KALRN: variants seen among roughly 807,000 people sequenced by gnomAD.
KALRN encodes the protein kalirin RhoGEF kinase, also known as kalirin.
A neutral mutation model predicts 353.7 loss-of-function variants in KALRN; 70 were observed. The ratio of observed to expected loss-of-function variants is 0.20; its 90% CI spans 0.16 to 0.24. The LOEUF is 0.24. Ranked by LOEUF, KALRN falls within the 10% of genes least tolerant of loss-of-function variation. The pLI, the probability that KALRN is intolerant of heterozygous loss-of-function variation, is 1.00. For missense variants in KALRN, 2,791 were observed against 3,756.7 expected (o/e 0.74, Z 6.72); for synonymous variants, 1,391 against 1,434.8 (o/e 0.97, Z 0.69).
chr3:124,114,092 C>G (rs2063240227), intron 1 of KALRN, among the ~76,000 whole-genome samples: 1 of 152,188 alleles, frequency 6.6e-6, no homozygotes, highest in Non-Finnish European at 1.5e-5. Flanking sequence ...GTCACCACCT[C>G]AGGCAGCTGG....
At chr3:124,245,098 A>T (rs1215323287) in intron 3 of KALRN, among the ~76,000 whole-genome samples, 1 of 152,094 alleles carries the variant, frequency 6.6e-6, no homozygotes, top group Non-Finnish European at 1.5e-5. Flanking sequence ...TATTCCTTCT[A>T]TGTAACTGTA....
chr3:124,621,208 G>A (rs2149686404), intron 34 of KALRN, among the ~76,000 whole-genome samples: 1 of 152,332 alleles, frequency 6.6e-6, no homozygotes, highest in South Asian at 2.1e-4. Context: ...GACAGGAGCA[G>A]CCGTATTGGG....
At chr3:124,139,453 T>C (rs2066349702) in intron 1 of KALRN, among the ~76,000 whole-genome samples, 1 of 152,196 alleles carries the variant, frequency 6.6e-6, no homozygotes, top group African/African-American at 2.4e-5. Flanking sequence ...TGCAGTTTAT[T>C]GTGTACTAGC....
chr3:124,408,196 A>T (rs79376522), intron 13 of KALRN, among the ~76,000 whole-genome samples: 6 of 152,362 alleles, frequency 3.9e-5, no homozygotes, highest in South Asian at 2.1e-4. Context: ...TGCTAAAAAA[A>T]ATATGATTAA....
At position 124,525,524 on chromosome 3, in the gene KALRN, G is replaced by T. The variant is rs2067514775; in HGVS notation, c.4935+29111G>T. On this transcript the variant is annotated intron_variant, in intron 33 of 59. Coordinates refer to ENST00000682506, the MANE Select transcript of KALRN (RefSeq NM_001388419.1). ...TAGAAAGAGAGTTTAGATTTTATTG[G>T]TATGGCACTGTCACTCCGAGAGTGA... Among the ~76,000 whole-genome samples the T allele has an allele frequency of 3.3e-5, 5 of 152,258 alleles. No individual in the cohort carries two copies. The South Asian group carries it at 1.0e-3, about 32-fold the overall frequency.
At chr3:124,402,660 C>T (rs1042658255) in intron 13 of KALRN, among the ~76,000 whole-genome samples, 4 of 152,154 alleles carry the variant, frequency 2.6e-5, no homozygotes, top group Non-Finnish European at 5.9e-5. Flanking sequence ...TTTTTTTGAA[C>T]TTGCAACCCC....
intron 1 of KALRN, among the ~76,000 whole-genome samples, chr3:124,044,166 A>AC (rs1390941609): frequency 6.6e-6 from 1 of 151,950 alleles, no homozygotes; most frequent in Non-Finnish European, 1.5e-5. Flanking sequence ...CACTCCTTCC[A>AC]CCCCTTGTTT....
intron 29 of KALRN, among the ~76,000 whole-genome samples, chr3:124,490,284 T>C (rs1018886215): frequency 6.6e-6 from 1 of 152,202 alleles, no homozygotes; most frequent in African/African-American, 2.4e-5. Context: ...AAAGAGGAGC[T>C]GAAGACACTC....
intron 33 of KALRN, among the ~76,000 whole-genome samples, chr3:124,528,525 C>T (rs1180085949): frequency 6.6e-6 from 1 of 152,130 alleles, no homozygotes; most frequent in Non-Finnish European, 1.5e-5. Context: ...GCTCTCTCCT[C>T]CCAACTGCCT....
intron 3 of KALRN, 47 bp from the exon 4 acceptor site, chr3:124,264,451 G>A (rs559149493): frequency 2.6e-6 from 4 of 1,567,608 alleles, no homozygotes; most frequent in Admixed American, 1.7e-5. Context: ...GTACTCCAAA[G>A]TCTCAGCTAC....
chr3:124,211,760 T>A (rs961224524), intron 1 of KALRN, among the ~76,000 whole-genome samples: 6 of 152,224 alleles, frequency 3.9e-5, no homozygotes, highest in Non-Finnish European at 7.3e-5. Context: ...CGGGGCTCTC[T>A]TCTGCCTCTC....
chr3:124,614,565 C>CTT (rs34503439), intron 34 of KALRN, among the ~76,000 whole-genome samples: 3,128 of 141,580 alleles, frequency 0.022, 123 homozygotes, highest in African/African-American at 0.072. Context: ...TGGCTTTTTT[C>CTT]TTTTTTTTTT....
intron 38 of KALRN, 58 bp from the exon 39 acceptor site, chr3:124,655,543 G>C: frequency 7.1e-7 from 1 of 1,402,700 alleles, no homozygotes; most frequent in Non-Finnish European, 1.0e-6. Flanking sequence ...GAACTTAAGT[G>C]AAGATTTTTG....
At chr3:124,203,564 G>C (rs1010620949) in intron 1 of KALRN, among the ~76,000 whole-genome samples, 1 of 152,318 alleles carries the variant, frequency 6.6e-6, no homozygotes, top group African/African-American at 2.4e-5. Context: ...CCAGGCAGCA[G>C]CTTCCATGGC....
Position 124,674,497 on chromosome 3 carries a change from G to A in KALRN, c.7076G>A (p.Cys2359Tyr). ...QVLAVNQQNM[C>Y]LVYQPASDHS... ...CTCGCCGTCAACCAGCAGAACATGT[G>A]TCTGGTGTACCAGCCTGCCAGCGAC... is the stretch of plus-strand genomic sequence containing the variant. Residue 2359 changes from cysteine to tyrosine, a missense_variant, in exon 49 of 60, where the codon TGT becomes TAT. Transcript: ENST00000682506. 1 of 1,614,072 alleles carries A rather than the reference G, an allele frequency of 6.2e-7. No homozygotes were observed. Among genetic ancestry groups the A allele is most frequent in the Non-Finnish European group, 8.5e-7 (1 of 1,180,004 alleles).
At chr3:124,335,215 TG>T (rs1347736946) in intron 9 of KALRN, among the ~76,000 whole-genome samples, 10 of 152,262 alleles carry the variant, frequency 6.6e-5, no homozygotes, top group Non-Finnish European at 1.0e-4. Context: ...GGGATGCACG[TG>T]GCCTGCCAGA....
intron 3 of KALRN, among the ~76,000 whole-genome samples, chr3:124,252,714 G>A (rs146016221): frequency 4.6e-5 from 7 of 152,296 alleles, no homozygotes; most frequent in African/African-American, 1.4e-4. Context: ...ATGAATTAAC[G>A]TAGATTCTGA....
intron 1 of KALRN, among the ~76,000 whole-genome samples, chr3:124,197,311 T>C (rs1246787503): frequency 1.3e-5 from 2 of 152,238 alleles, no homozygotes; most frequent in African/African-American, 4.8e-5. Flanking sequence ...AGATGCTTAC[T>C]TTCTGCAGGT....
intron 1 of KALRN, among the ~76,000 whole-genome samples, chr3:124,124,068 A>G (rs764770998): frequency 6.6e-6 from 1 of 152,254 alleles, no homozygotes; most frequent in South Asian, 2.1e-4. Context: ...AGTACATTTC[A>G]TAAGACTATT....
Sources: allele counts gnomAD v4.1 joint callset (sites outside exome capture counted in the v4.1 genomes callset), GRCh38; gene constraint gnomAD v4.1.1; transcripts MANE v1.5; gene names NCBI Gene and HGNC (gene_info 2026-07-23, HGNC 2026-07-21).